ADRA2B: variants seen among roughly 807,000 people sequenced by gnomAD.
ADRA2B encodes the protein alpha-2B adrenergic receptor.
Under a neutral mutation model 14.4 loss-of-function variants are expected in ADRA2B, and 14 were observed. The ratio of observed to expected loss-of-function variants is 0.97; its 90% CI spans 0.64 to 1.52. The LOEUF (loss-of-function observed/expected upper bound fraction) is 1.52, where lower values mean the gene tolerates loss of function less well. Among genes scored for constraint, ADRA2B ranks in the 40% most tolerant of loss-of-function variants. The pLI is 0.00. For missense variants in ADRA2B, 606 were observed against 603.2 expected (o/e 1.00, Z -0.05); for synonymous variants, 250 against 263.7 (o/e 0.95, Z 0.50).
rs754450479 is a variant in ADRA2B at position 96,115,877 on chromosome 2, G to C, written c.273C>G (p.Leu91=). Residue 91 remains leucine, a synonymous_variant, in exon 1 of 1, where the codon CTC becomes CTG. Transcript: ENST00000620793. ...RRTWCEVYLA[L]DVLFCTSSIV... ...TGGACGAGGTGCAGAAGAGCACGTC[G>C]AGCGCCAGGTACACCTCGCACCACG... is the stretch of plus-strand genomic sequence containing the variant. The C allele has an allele frequency of 3.1e-6, 5 of 1,613,192 alleles. No homozygotes were observed. Among genetic ancestry groups the C allele is most frequent in the Non-Finnish European group, 4.2e-6 (5 of 1,179,656 alleles).
Position 96,115,123 on chromosome 2 carries a change from C to T in ADRA2B, c.1027G>A (p.Val343Met), listed in dbSNP as rs1490370021. 2 of 1,608,444 alleles carry T rather than the reference C, an allele frequency of 1.2e-6. No homozygotes were observed. The highest frequency in any genetic ancestry group is 2.2e-5 in the South Asian group (2 of 90,370). ...SRVLATLRGQVLLGRGVGAIG... is the reference protein window; with the variant it reads ...SRVLATLRGQMLLGRGVGAIG... ...GCACCCACGCCCCTGCCCAGGAGCACCTGGCCACGTAGGGTGGCCAGCACC... is the reference window on the plus strand; with the variant it reads ...GCACCCACGCCCCTGCCCAGGAGCATCTGGCCACGTAGGGTGGCCAGCACC... The change falls in exon 1 of 1, where the codon GTG becomes ATG. Residue 343 changes from valine (V) to methionine (M), a missense_variant. By Grantham distance (21) the Val-to-Met change is conservative. Transcript: ENST00000620793.
At position 96,115,684 on chromosome 2, in the gene ADRA2B, G is replaced by T. The variant is rs1196854512; in HGVS notation, c.466C>A (p.Pro156Thr). 1.9e-6 allele frequency: 3 copies of T among 1,613,640 alleles called. No individual in the cohort carries two copies. Among genetic ancestry groups the T allele is most frequent in the Non-Finnish European group, 2.5e-6 (3 of 1,179,842 alleles). Residue 156 changes from proline (P) to threonine (T), a missense_variant, in exon 1 of 1, where the codon CCC (proline) becomes ACC (threonine). Transcript: ENST00000620793. Reference sequence around the variant, plus strand: ...CACTGGGGGCGCCCGCGCGGCTGGGGGCCCTGGTCGCCCTTGTAGATGAGG... The same window carrying T: ...CACTGGGGGCGCCCGCGCGGCTGGGTGCCCTGGTCGCCCTTGTAGATGAGG... The part of the protein sequence containing the change: ...PPLIYKGDQG[P>T]QPRGRPQCKL...
Position 96,115,304 on chromosome 2 carries a change from C to T in ADRA2B, c.846G>A (p.Gln282=). Reference sequence around the variant, plus strand: ...CCCCACAAACACCCTCCTTCTGGCCCTGGCCTGAGTTGGGAAGGGCAGCCC... The same window carrying T: ...CCCCACAAACACCCTCCTTCTGGCCTTGGCCTGAGTTGGGAAGGGCAGCCC... ...PSWAALPNSG[Q]GQKEGVCGAS... The change falls in exon 1 of 1, where the codon CAG becomes CAA. Residue 282 remains glutamine (Q), a synonymous_variant. Transcript: ENST00000620793. 2 of 1,590,542 alleles carry T rather than the reference C, an allele frequency of 1.3e-6. No individual in the cohort carries two copies. The highest frequency in any genetic ancestry group is 2.3e-5 in the South Asian group (2 of 87,560).
In ADRA2B at chr2:96,113,863, CA is replaced by C; in HGVS notation, c.*933del. 6 of 984,828 alleles carry C rather than the reference CA, an allele frequency of 6.1e-6. No individual in the cohort carries two copies. Among genetic ancestry groups the C allele is most frequent in the Non-Finnish European group, 7.2e-6 (6 of 829,064 alleles). The allele number at this position is 984,828 out of a possible 1,614,324, so 61.0% of individuals were successfully genotyped here. A position where few individuals can be genotyped will look rare whatever the true frequency, so the allele number is the denominator to read the frequency against. ...GAATTCACACACCCCAGGGACAGAACAAAAGTCTACAGGAAGACAGGTGGTG... is the reference window on the plus strand; with the variant it reads ...GAATTCACACACCCCAGGGACAGAACAAAGTCTACAGGAAGACAGGTGGTG... On this transcript the variant is annotated 3_prime_UTR_variant, in exon 1 of 1. Transcript: ENST00000620793.
In ADRA2B at chr2:96,115,406, T is replaced by C; in HGVS notation, c.744A>G (p.Gly248=). Residue 248 remains glycine, a synonymous_variant, in exon 1 of 1, where the codon GGA becomes GGG. Transcript: ENST00000620793. ...ASVASAREVN[G]HSKSTGEKEE... is the part of the protein sequence containing the mutation. ...CCTTCTCCCCAGTGGACTTCGAGTGTCCGTTGACCTCTCTGGCAGAAGCCA... is the reference window on the plus strand; with the variant it reads ...CCTTCTCCCCAGTGGACTTCGAGTGCCCGTTGACCTCTCTGGCAGAAGCCA... The C allele has an allele frequency of 6.2e-7, 1 of 1,609,250 alleles. No homozygotes were observed.
rs566816240 is a variant in ADRA2B, at chr2:96,114,290, G to A, written c.*507C>T. ...CTGCCAGGGACCGCGAGTGCCTAGC[G>A]TGGGTGATCAGTCTTCGTTTCTTCC... On this transcript the variant is annotated 3_prime_UTR_variant, in exon 1 of 1. Coordinates refer to ENST00000620793, the MANE Select transcript of ADRA2B (RefSeq NM_000682.7). 3.0e-5 allele frequency: 30 copies of A among 991,184 alleles called. No homozygotes were observed. The Middle Eastern group carries it at 2.1e-3, about 69-fold the overall frequency. The allele number at this position is 991,184 out of a possible 1,614,324, so 61.4% of individuals were successfully genotyped here.
chr2:96,116,198 C>T lies in ADRA2B; in HGVS notation c.-49G>A, dbSNP rs1418802514. On this transcript the variant is annotated 5_prime_UTR_variant, in exon 1 of 1. Coordinates refer to ENST00000620793, the MANE Select transcript of ADRA2B (RefSeq NM_000682.7). ...GGAGCGCTGCCCGCCCAGTGCGCAC[C>T]GTGGACGACAGCGCTGCCCGGCTCG... 2 of 1,512,870 alleles carry T rather than the reference C, an allele frequency of 1.3e-6. No homozygotes were observed. The highest frequency in any genetic ancestry group is 1.2e-5 in the South Asian group (1 of 85,296). The allele number at this position is 1,512,870 out of a possible 1,614,324, so 93.7% of individuals were successfully genotyped here.
rs1215794925 is a variant in ADRA2B at position 96,115,676 on chromosome 2, C to A, written c.474G>T (p.Pro158=). ...LIYKGDQGPQ[P]RGRPQCKLNQ... is the part of the protein sequence containing the mutation. ...TGAGCTTGCACTGGGGGCGCCCGCG[C>A]GGCTGGGGGCCCTGGTCGCCCTTGT... Residue 158 remains proline (P), a synonymous_variant, in exon 1 of 1, where the codon CCG becomes CCT. Coordinates refer to ENST00000620793, the MANE Select transcript of ADRA2B (RefSeq NM_000682.7). The A allele has an allele frequency of 7.4e-6, 12 of 1,613,546 alleles. No homozygotes were observed. In the South Asian group the frequency reaches 1.1e-4, roughly 15 times the overall value.
rs2104749928 is a variant in ADRA2B at position 96,113,400 on chromosome 2, T to A, written c.*1397A>T. On this transcript the variant is annotated 3_prime_UTR_variant, in exon 1 of 1. Transcript: ENST00000620793. ...CCCATCAGCATTGCGGGGAGCAGCGTGGCTGGGTCCGAGGCAGTCCACAAG... is the reference window on the plus strand; with the variant it reads ...CCCATCAGCATTGCGGGGAGCAGCGAGGCTGGGTCCGAGGCAGTCCACAAG... The A allele has an allele frequency of 2.7e-6, 1 of 364,830 alleles. No homozygotes were observed. The highest frequency in any genetic ancestry group is 1.5e-4 in the South Asian group (1 of 6,700). 22.6% of individuals were successfully genotyped at this position (364,830 alleles called of 1,614,324 possible).
chr2:96,113,990 C>T lies in ADRA2B; in HGVS notation c.*807G>A. The stretch of plus-strand genomic sequence containing the variant: ...GCTCAAAGCTTTCTGCAAAGCCTTT[C>T]ATCTCCCTGCAGCAAGTAGGCAGTG... On this transcript the variant is annotated 3_prime_UTR_variant, in exon 1 of 1. Transcript: ENST00000620793. 1 of 985,890 alleles carries T rather than the reference C, an allele frequency of 1.0e-6. No individual in the cohort carries two copies. The highest frequency in any genetic ancestry group is 1.2e-6 in the Non-Finnish European group (1 of 829,944). The allele number at this position is 985,890 out of a possible 1,614,324, so 61.1% of individuals were successfully genotyped here.
In ADRA2B at chr2:96,113,883, G is replaced by A. The variant is rs562946970; in HGVS notation, c.*914C>T. 4.3e-4 allele frequency: 422 copies of A among 985,754 alleles called. 1 individual carries two copies. The highest frequency in any genetic ancestry group is 4.9e-4 in the Non-Finnish European group (406 of 829,832). The allele number at this position is 985,754 out of a possible 1,614,324, so 61.1% of individuals were successfully genotyped here. A position where few individuals can be genotyped will look rare whatever the true frequency, so the allele number is the denominator to read the frequency against. ...CAGAACAAAAGTCTACAGGAAGACA[G>A]GTGGTGGTAAACACAGAGGAAAGGG... On this transcript the variant is annotated 3_prime_UTR_variant, in exon 1 of 1. Coordinates refer to ENST00000620793, the MANE Select transcript of ADRA2B (RefSeq NM_000682.7).
rs779659371 is a variant in ADRA2B, at chr2:96,115,733, G to A, written c.417C>T (p.Ile139=). 3 of 1,613,214 alleles carry A rather than the reference G, an allele frequency of 1.9e-6. No homozygotes were observed. The South Asian group carries it at 3.3e-5, about 18-fold the overall frequency. ...IKCIILTVWL[I]AAVISLPPLI... The stretch of plus-strand genomic sequence containing the variant: ...GGGGCGGCAGCGAGATGACGGCGGC[G>A]ATGAGCCACACAGTGAGGATGATGC... Residue 139 remains isoleucine (I), a synonymous_variant, in exon 1 of 1, where the codon ATC becomes ATT. Transcript: ENST00000620793.
chr2:96,116,020 G>C lies in ADRA2B; in HGVS notation c.130C>G (p.Arg44Gly). The change falls in exon 1 of 1, where the codon CGC (arginine) becomes GGC (glycine). Residue 44 changes from arginine (R) to glycine (G), a missense_variant. Physicochemically the swap from Arg to Gly is moderately radical, Grantham distance 125. Transcript: ENST00000620793. ...ILAVLTSRSL[R>G]APQNLFLVSL... is the part of the protein sequence containing the mutation. Reference sequence around the variant, plus strand: ...ACCAGGAACAGGTTCTGAGGGGCGCGCAGCGAGCGGCTGGTCAACACAGCC... The same window carrying C: ...ACCAGGAACAGGTTCTGAGGGGCGCCCAGCGAGCGGCTGGTCAACACAGCC... The C allele has an allele frequency of 1.2e-6, 2 of 1,613,550 alleles. No homozygotes were observed.
chr2:96,114,979 A>G lies in ADRA2B; in HGVS notation c.1171T>C (p.Tyr391His), dbSNP rs1272441975. 6.2e-7 allele frequency: 1 copy of G among 1,613,508 alleles called. No homozygotes were observed. Among genetic ancestry groups the G allele is most frequent in the Middle Eastern group, 1.6e-4 (1 of 6,062 alleles). Residue 391 changes from tyrosine to histidine, a missense_variant, in exon 1 of 1, where the codon TAC (tyrosine) becomes CAC (histidine). Coordinates refer to ENST00000620793, the MANE Select transcript of ADRA2B (RefSeq NM_000682.7). ...TTCGGGCAGATGGCTCCCAGGCTGT[A>G]GCTGAAGAAGAAGGGGAACCAGCAG... ...VLCWFPFFFS[Y>H]SLGAICPKHC...
Position 96,116,185 on chromosome 2 carries a change from G to A in ADRA2B, c.-36C>T. ...GAGGTGGGCAGAGGGAGCGCTGCCC[G>A]CCCAGTGCGCACCGTGGACGACAGC... is the stretch of plus-strand genomic sequence containing the variant. On this transcript the variant is annotated 5_prime_UTR_variant, in exon 1 of 1. Coordinates refer to ENST00000620793, the MANE Select transcript of ADRA2B (RefSeq NM_000682.7). The A allele has an allele frequency of 1.3e-6, 2 of 1,536,984 alleles. No homozygotes were observed. The highest frequency in any genetic ancestry group is 8.9e-7 in the Non-Finnish European group (1 of 1,121,818).
rs1234793405 is a variant in ADRA2B at position 96,115,138 on chromosome 2, T to C, written c.1012A>G (p.Thr338Ala). ...CCCAGGAGCACCTGGCCACGTAGGGTGGCCAGCACCCGGGAGCCCTGTGGC... is the reference window on the plus strand; with the variant it reads ...CCCAGGAGCACCTGGCCACGTAGGGCGGCCAGCACCCGGGAGCCCTGTGGC... The part of the protein sequence containing the change: ...QQPQGSRVLA[T>A]LRGQVLLGRG... Residue 338 changes from threonine to alanine, a missense_variant, in exon 1 of 1, where the codon ACC becomes GCC. Coordinates refer to ENST00000620793, the MANE Select transcript of ADRA2B (RefSeq NM_000682.7). 1 of 1,600,402 alleles carries C rather than the reference T, an allele frequency of 6.2e-7. No individual in the cohort carries two copies. The highest frequency in any genetic ancestry group is 1.7e-5 in the Admixed American group (1 of 57,364).
rs200278633 is a variant in ADRA2B at position 96,115,207 on chromosome 2, C to T, written c.943G>A (p.Val315Met). Residue 315 changes from valine to methionine, a missense_variant, in exon 1 of 1, where the codon GTG (valine) becomes ATG (methionine). Transcript: ENST00000620793. ...CAAGCTGAGGCCGGAGACACTGGCA[C>T]TGCCTGGGGTTCACACTCTTCCTCC... ...EEEEECEPQAVPVSPASACSP... is the reference protein window; with the variant it reads ...EEEEECEPQAMPVSPASACSP... 337 of 1,562,968 alleles carry T rather than the reference C, an allele frequency of 2.2e-4. 1 individual carries two copies. The African/African-American group carries it at 3.7e-3, about 17-fold the overall frequency.
chr2:96,115,910 G>A lies in ADRA2B; in HGVS notation c.240C>T (p.Phe80=), dbSNP rs749473477. The A allele has an allele frequency of 6.2e-7, 1 of 1,613,712 alleles. No individual in the cohort carries two copies. Among genetic ancestry groups the A allele is most frequent in the Admixed American group, 1.7e-5 (1 of 59,986 alleles). ...LANELLGYWY[F]RRTWCEVYLA... is the part of the protein sequence containing the mutation. Reference sequence around the variant, plus strand: ...GGTACACCTCGCACCACGTGCGCCGGAAGTACCAGTAGCCCAGCAGCTCGT... The same window carrying A: ...GGTACACCTCGCACCACGTGCGCCGAAAGTACCAGTAGCCCAGCAGCTCGT... The change falls in exon 1 of 1, where the codon TTC becomes TTT. Residue 80 remains phenylalanine, a synonymous_variant. Transcript: ENST00000620793.
chr2:96,114,559 G>C lies in ADRA2B; in HGVS notation c.*238C>G. On this transcript the variant is annotated 3_prime_UTR_variant, in exon 1 of 1. Coordinates refer to ENST00000620793, the MANE Select transcript of ADRA2B (RefSeq NM_000682.7). ...GGATTTGAACCACCTCCATCGGCCT[G>C]TGCTCAGGGAGAGGGTGGAGAAGGG... 1 of 1,388,544 alleles carries C rather than the reference G, an allele frequency of 7.2e-7. No individual in the cohort carries two copies. The highest frequency in any genetic ancestry group is 9.3e-7 in the Non-Finnish European group (1 of 1,072,294). The allele number at this position is 1,388,544 out of a possible 1,614,324, so 86.0% of individuals were successfully genotyped here.
Sources: gnomAD v4.1 joint callset for allele counts on GRCh38, gnomAD v4.1.1 for gene constraint, MANE v1.5 for transcripts, NCBI Gene and HGNC (gene_info 2026-07-23, HGNC 2026-07-21) for gene names.